The following FTO variants were observed in gnomAD, a reference collection of about 807,000 sequenced individuals.
FTO encodes the protein alpha-ketoglutarate-dependent dioxygenase FTO.
Under a neutral mutation model 63.9 loss-of-function variants are expected in FTO, and 47 were observed. The observed-to-expected ratio is 0.74, with a 90% CI of 0.58 to 0.94. FTO has a LOEUF of 0.94. Among genes scored for constraint, FTO ranks in the 40% least tolerant of loss-of-function variants. FTO has a pLI of 0.00. For synonymous variants in FTO, 207 were observed against 224.4 expected, an observed-to-expected ratio of 0.92 and a Z score of 0.69; for missense variants, 562 against 618.1, an observed-to-expected ratio of 0.91 and a Z score of 0.96.
intron 8 of FTO, among the ~76,000 whole-genome samples, chr16:53,977,661 A>G (rs2143788223): frequency 6.6e-6 from 1 of 152,258 alleles, no homozygotes; most frequent in African/African-American, 2.4e-5. Context: ...CTTGCCTCCT[A>G]TCTTCTTTAT....
At chr16:53,798,137 G>A (rs944585159) in intron 1 of FTO, among the ~76,000 whole-genome samples, 1 of 152,066 alleles carries the variant, frequency 6.6e-6, no homozygotes, top group Admixed American at 6.5e-5. Context: ...GTCTATTGTG[G>A]ACCTCTATTT....
intron 8 of FTO, among the ~76,000 whole-genome samples, chr16:54,024,934 G>A (rs1288522144): frequency 3.9e-5 from 6 of 152,142 alleles, no homozygotes; most frequent in Admixed American, 2.0e-4. Flanking sequence ...AGTAACTTCT[G>A]TATTTAATGA....
chr16:53,971,678 G>A (rs1178353807), intron 8 of FTO, among the ~76,000 whole-genome samples: 1 of 152,146 alleles, frequency 6.6e-6, no homozygotes, highest in Non-Finnish European at 1.5e-5. Flanking sequence ...TTCCTCTAGG[G>A]GACCCCCTGT....
intron 8 of FTO, among the ~76,000 whole-genome samples, chr16:54,023,495 A>T (rs1259798036): frequency 6.6e-6 from 1 of 152,156 alleles, no homozygotes; most frequent in African/African-American, 2.4e-5. Flanking sequence ...ACACTCGCTG[A>T]CCTCCATGAG....
chr16:53,967,799 G>C (rs1029909191), intron 8 of FTO, among the ~76,000 whole-genome samples: 1 of 152,196 alleles, frequency 6.6e-6, no homozygotes, highest in Non-Finnish European at 1.5e-5. Context: ...GGCTGTGACA[G>C]ATATAACTGA....
intron 1 of FTO, among the ~76,000 whole-genome samples, chr16:53,798,032 A>G (rs935881051): frequency 6.6e-6 from 1 of 152,124 alleles, no homozygotes; most frequent in Non-Finnish European, 1.5e-5. Flanking sequence ...GTTCTTTAAA[A>G]GATATAGATA....
intron 1 of FTO, among the ~76,000 whole-genome samples, chr16:53,736,158 AAT>A (rs922494611): frequency 2.0e-5 from 3 of 152,184 alleles, no homozygotes; most frequent in Admixed American, 2.0e-4. Flanking sequence ...TGAGGGTTTG[AAT>A]ATAGGCTGAA....
intron 1 of FTO, among the ~76,000 whole-genome samples, chr16:53,729,249 C>T (rs964139893): frequency 6.6e-6 from 1 of 151,944 alleles, no homozygotes; most frequent in African/African-American, 2.4e-5. Flanking sequence ...GTAAAATGGG[C>T]CAGGAGCCGT....
At chr16:53,790,162 C>T (rs538000232) in intron 1 of FTO, among the ~76,000 whole-genome samples, 2 of 150,822 alleles carry the variant, frequency 1.3e-5, no homozygotes, top group East Asian at 3.9e-4. Context: ...TTTTTTTTAA[C>T]CATTTAACAA....
chr16:53,753,768 G>A (rs948807665), intron 1 of FTO, among the ~76,000 whole-genome samples: 2 of 152,144 alleles, frequency 1.3e-5, no homozygotes, highest in African/African-American at 4.8e-5. Flanking sequence ...TCCTCAGCTG[G>A]GAAGTGTGGG....
At chr16:54,066,200 A>G (rs1355627383) in intron 8 of FTO, among the ~76,000 whole-genome samples, 1 of 152,034 alleles carries the variant, frequency 6.6e-6, no homozygotes, top group Non-Finnish European at 1.5e-5. Flanking sequence ...TTTCATATGC[A>G]TTGTTTTCCT....
chr16:53,721,161 A>G (rs995220285), intron 1 of FTO, among the ~76,000 whole-genome samples: 1 of 152,134 alleles, frequency 6.6e-6, no homozygotes, highest in East Asian at 1.9e-4. Flanking sequence ...CCCTGCCCCA[A>G]TCACGTTGCT....
At chr16:53,937,478 G>T in intron 8 of FTO, 1 of 387,196 alleles carries the variant, frequency 2.6e-6, no homozygotes, top group Non-Finnish European at 4.6e-6. Flanking sequence ...GGTTCTTAGG[G>T]TCTACTGTAG....
At chr16:54,098,769 AT>A (rs1221234317) in intron 8 of FTO, among the ~76,000 whole-genome samples, 3 of 152,084 alleles carry the variant, frequency 2.0e-5, no homozygotes, top group Non-Finnish European at 4.4e-5. Context: ...TTTAGCTTTT[AT>A]TTTCATAACT....
chr16:53,858,413 A>G (rs984450121), intron 4 of FTO, among the ~76,000 whole-genome samples: 1 of 152,230 alleles, frequency 6.6e-6, no homozygotes, highest in African/African-American at 2.4e-5. Flanking sequence ...GTAAACAGTG[A>G]TCAGTGAAAT....
chr16:53,931,298 C>CTTTTTT (rs869204000), intron 7 of FTO, among the ~76,000 whole-genome samples: 2 of 101,964 alleles, frequency 2.0e-5, no homozygotes, highest in Non-Finnish European at 3.9e-5. Context: ...AACTATGTGA[C>CTTTTTT]TTTTTTTTTT....
intron 4 of FTO, among the ~76,000 whole-genome samples, chr16:53,845,266 T>C (rs2079588642): frequency 2.0e-5 from 3 of 152,220 alleles, no homozygotes. Context: ...TATGTTGCTT[T>C]TGGAGCCAGG....
chr16:53,783,057 T>G (rs2077627699), intron 1 of FTO, among the ~76,000 whole-genome samples: 2 of 152,234 alleles, frequency 1.3e-5, no homozygotes, highest in Admixed American at 1.3e-4. Context: ...GAACCTATTA[T>G]GTATCAGGCA....
chr16:53,764,110 A>G (rs1192996314), intron 1 of FTO: 1 of 152,216 alleles, frequency 6.6e-6, no homozygotes, highest in Non-Finnish European at 1.5e-5. Context: ...CACGGCACCC[A>G]GAGTGTGGGA....
Sources: allele counts gnomAD v4.1 joint callset (sites outside exome capture counted in the v4.1 genomes callset), GRCh38; gene constraint gnomAD v4.1.1; transcripts MANE v1.5; gene names NCBI Gene and HGNC (gene_info 2026-07-23, HGNC 2026-07-21).